Variants in TBC1D5 observed in about 807,000 individuals in gnomAD.
The protein encoded by TBC1D5 is TBC1 domain family member 5.
Under a neutral mutation model 100.3 loss-of-function variants are expected in TBC1D5, and 75 were observed. The ratio of observed to expected loss-of-function variants is 0.75; its 90% confidence interval spans 0.62 to 0.91. The LOEUF is 0.91. TBC1D5 is among the 40% of genes least tolerant of loss of function. The pLI, the probability that TBC1D5 is intolerant of heterozygous loss-of-function variation, is 0.00. For synonymous variants in TBC1D5, 323 were observed against 325.6 expected (o/e 0.99, Z 0.09); for missense variants, 910 against 942.4 (o/e 0.97, Z 0.45).
At chr3:17,615,008 T>C (rs1478177580) in intron 2 of TBC1D5, among the ~76,000 whole-genome samples, 5 of 152,230 alleles carry the variant, frequency 3.3e-5, no homozygotes, top group African/African-American at 4.8e-5. Flanking sequence ...CAATATGATA[T>C]TGGCTGTGGG....
chr3:17,193,180 C>T (rs1271000461), intron 18 of TBC1D5, among the ~76,000 whole-genome samples: 1 of 152,212 alleles, frequency 6.6e-6, no homozygotes, highest in Non-Finnish European at 1.5e-5. Flanking sequence ...CCCAGAGCTC[C>T]TCGCTGATTG....
chr3:17,515,377 A>T (rs2153274265), intron 2 of TBC1D5, among the ~76,000 whole-genome samples: 1 of 152,292 alleles, frequency 6.6e-6, no homozygotes, highest in South Asian at 2.1e-4. Context: ...CCTTTAGTTG[A>T]AAGATAGCCT....
chr3:17,451,535 C>A (rs760704841), intron 3 of TBC1D5, among the ~76,000 whole-genome samples: 3 of 152,058 alleles, frequency 2.0e-5, no homozygotes, highest in African/African-American at 4.8e-5. Context: ...GAAATAGGAA[C>A]ATTTTTACAC....
At chr3:17,176,190 C>T (rs1000860818) in intron 19 of TBC1D5, among the ~76,000 whole-genome samples, 4 of 152,208 alleles carry the variant, frequency 2.6e-5, no homozygotes, top group Admixed American at 2.0e-4. Context: ...ATTTCCTCCA[C>T]TGTACACTAG....
intron 15 of TBC1D5, among the ~76,000 whole-genome samples, chr3:17,262,812 T>G (rs1294605061): frequency 6.6e-6 from 1 of 151,942 alleles, no homozygotes; most frequent in East Asian, 1.9e-4. Context: ...ATGCGTTTGT[T>G]TTGGTGAATT....
intron 2 of TBC1D5, among the ~76,000 whole-genome samples, chr3:17,601,466 G>A (rs1472481381): frequency 6.6e-6 from 1 of 152,202 alleles, no homozygotes; most frequent in Non-Finnish European, 1.5e-5. Context: ...AGCCGAGATT[G>A]CGCCATTGCA....
Position 17,550,533 on chromosome 3 carries a change from AAAC to A in TBC1D5, c.-35-41931_-35-41929del, listed in dbSNP as rs1056649665. ...ACACAGGGTACACACACAAAGTTAA[AAAC>A]AACAACAACAACAAAAAAAAAAAAC... On this transcript the variant is annotated intron_variant, in intron 2 of 21. Coordinates refer to ENST00000253692, the Ensembl canonical transcript of TBC1D5. 7.9e-5 allele frequency among the ~76,000 whole-genome samples: 12 copies of A among 151,776 alleles called. No individual in the cohort carries two copies. The East Asian group carries it at 2.1e-3, about 27-fold the overall frequency.
intron 1 of TBC1D5, among the ~76,000 whole-genome samples, chr3:17,677,913 T>C (rs954899781): frequency 2.0e-5 from 3 of 151,942 alleles, no homozygotes; most frequent in Non-Finnish European, 4.4e-5. Context: ...AACCAAACAC[T>C]GCATGTTCTC....
intron 13 of TBC1D5, among the ~76,000 whole-genome samples, chr3:17,352,021 C>T (rs2090652633): frequency 6.7e-6 from 1 of 149,384 alleles, no homozygotes. Context: ...AAAAACCACA[C>T]ACACACAAAA....
At chr3:17,580,739 T>C (rs1183477148) in intron 2 of TBC1D5, among the ~76,000 whole-genome samples, 1 of 152,154 alleles carries the variant, frequency 6.6e-6, no homozygotes, top group Non-Finnish European at 1.5e-5. Context: ...CATCTTTAAC[T>C]TCACCTATAA....
chr3:17,690,248 G>A (rs1237272434), intron 1 of TBC1D5, among the ~76,000 whole-genome samples: 3 of 20,966 alleles, frequency 1.4e-4, no homozygotes, highest in Middle Eastern at 0.045. Flanking sequence ...ACGGAGTCTC[G>A]CTCTGTCGCC....
chr3:17,562,435 T>A lies in TBC1D5; in HGVS notation c.-35-53830A>T, dbSNP rs189656794. Among the ~76,000 whole-genome samples the A allele has an allele frequency of 4.9e-4, 75 of 151,888 alleles. 2 individuals are homozygous for A. The highest frequency in any genetic ancestry group is 4.4e-5 in the Non-Finnish European group (3 of 67,926). On this transcript the variant is annotated intron_variant, in intron 2 of 21. Coordinates refer to ENST00000253692, the Ensembl canonical transcript of TBC1D5. ...GGAAGACAAAATTATAATTTGCACCTAATAGTGTCTATAACTATTCAAGAT... is the reference window on the plus strand; with the variant it reads ...GGAAGACAAAATTATAATTTGCACCAAATAGTGTCTATAACTATTCAAGAT...
chr3:17,530,374 T>A (rs1006075376), intron 2 of TBC1D5, among the ~76,000 whole-genome samples: 1 of 151,756 alleles, frequency 6.6e-6, no homozygotes, highest in Non-Finnish European at 1.5e-5. Context: ...ACTAAATTCA[T>A]CAGCAAAAAG....
Position 17,418,079 on chromosome 3 carries a change from A to G in TBC1D5, c.167+10371T>C, listed in dbSNP as rs1481189433. 2.6e-5 allele frequency among the ~76,000 whole-genome samples: 4 copies of G among 152,102 alleles called. No homozygotes were observed. The East Asian group carries it at 7.7e-4, about 29-fold the overall frequency. ...TCTCTCTCAGAACATAACATCTATA[A>G]TCATGGAATGAAAATTGTATCCGTA... On this transcript the variant is annotated intron_variant, in intron 4 of 21. Transcript: ENST00000253692.
At chr3:17,272,144 A>G (rs2149700437) in intron 15 of TBC1D5, among the ~76,000 whole-genome samples, 1 of 152,310 alleles carries the variant, frequency 6.6e-6, no homozygotes, top group East Asian at 1.9e-4. Flanking sequence ...TGCTGTTGCG[A>G]TTCTTAGAGA....
At chr3:17,221,672 A>G (rs766193865) in intron 17 of TBC1D5, among the ~76,000 whole-genome samples, 1 of 152,170 alleles carries the variant, frequency 6.6e-6, no homozygotes, top group Non-Finnish European at 1.5e-5. Context: ...CAGTTAACAG[A>G]CAGTAGGGGA....
intron 2 of TBC1D5, among the ~76,000 whole-genome samples, chr3:17,574,318 C>T (rs1195157149): frequency 6.6e-6 from 1 of 152,122 alleles, no homozygotes; most frequent in East Asian, 1.9e-4. Context: ...GAATCTGTTG[C>T]CCTCTCTGCT....
At chr3:17,463,896 C>T (rs2095256748) in intron 3 of TBC1D5, among the ~76,000 whole-genome samples, 4 of 148,520 alleles carry the variant, frequency 2.7e-5, no homozygotes, top group Middle Eastern at 3.5e-3. Context: ...TAATTTTATT[C>T]ACATAATATT....
chr3:17,583,059 T>C (rs774972484), intron 2 of TBC1D5, among the ~76,000 whole-genome samples: 56 of 152,002 alleles, frequency 3.7e-4, no homozygotes, highest in Admixed American at 8.5e-4. Flanking sequence ...CCAACGTAGG[T>C]GGATCACTTG....
Sources: gnomAD v4.1 joint callset for allele counts (sites outside exome capture counted in the v4.1 genomes callset) on GRCh38, gnomAD v4.1.1 for gene constraint, MANE v1.5 for transcripts, NCBI Gene and HGNC (gene_info 2026-07-23, HGNC 2026-07-21) for gene names.